The following INPP4B variants were observed in gnomAD, a reference collection of about 807,000 sequenced individuals.
INPP4B encodes inositol polyphosphate-4-phosphatase type II B, also known as inositol polyphosphate 4-phosphatase type II.
INPP4B carries 55 observed loss-of-function variants against 122.5 expected under a neutral mutation model. The ratio of observed to expected loss-of-function variants is 0.45; its 90% confidence interval spans 0.36 to 0.56. The LOEUF is 0.56. INPP4B is among the 20% of genes least tolerant of loss of function. The pLI, the probability that INPP4B is intolerant of heterozygous loss-of-function variation, is 0.00. For synonymous variants in INPP4B, 403 were observed against 388.7 expected (o/e 1.04, Z -0.43); for missense variants, 1,000 against 1,097.7 (o/e 0.91, Z 1.26).
Position 142,773,285 on chromosome 4 carries a change from T to C in INPP4B, c.-253-47384A>G, listed in dbSNP as rs376957642. On this transcript the variant is annotated intron_variant, in intron 1 of 25. Coordinates refer to ENST00000262992, the MANE Select transcript of INPP4B (RefSeq NM_001101669.3). ...CAAGAGCAGACATAAAATCCAAAGG[T>C]TGGTATCTTCTACTAAAAAATTACC... Among the ~76,000 whole-genome samples, 11 of 152,238 alleles carry C rather than the reference T, an allele frequency of 7.2e-5. No homozygotes were observed. In the East Asian group the frequency reaches 2.1e-3, roughly 29 times the overall value.
In INPP4B at chr4:142,449,599, G is replaced by A. The variant is rs183622703; in HGVS notation, c.-127+13064C>T. ...TGCCTGTAATCCCAGCTACTTGCGA[G>A]GCTGAGACAGGAGAATCGCTTGAAC... On this transcript the variant is annotated intron_variant, in intron 3 of 25. Transcript: ENST00000262992. Among the ~76,000 whole-genome samples the A allele has an allele frequency of 3.2e-3, 489 of 152,120 alleles. 2 individuals carry two copies. The highest frequency in any genetic ancestry group is 0.011 in the African/African-American group (475 of 41,474).
At chr4:142,068,250 G>T (rs1431002127) in intron 25 of INPP4B, among the ~76,000 whole-genome samples, 1 of 152,134 alleles carries the variant, frequency 6.6e-6, no homozygotes, top group Non-Finnish European at 1.5e-5. Flanking sequence ...AAGTGAAGGA[G>T]AAATAAAATA....
intron 1 of INPP4B, among the ~76,000 whole-genome samples, chr4:142,809,098 C>G (rs1779194755): frequency 6.6e-6 from 1 of 151,914 alleles, no homozygotes; most frequent in Admixed American, 6.6e-5. Flanking sequence ...GTTTTGGAAT[C>G]AAGCACATGG....
At chr4:142,242,854 C>A (rs1297294439) in intron 11 of INPP4B, among the ~76,000 whole-genome samples, 1 of 152,148 alleles carries the variant, frequency 6.6e-6, no homozygotes, top group African/African-American at 2.4e-5. Flanking sequence ...TGGTCCATGT[C>A]TCCCATGGGA....
intron 7 of INPP4B, chr4:142,347,593 T>C (rs754107802): frequency 2.7e-6 from 1 of 371,058 alleles, no homozygotes; most frequent in Non-Finnish European, 5.3e-6. Flanking sequence ...TCATTTAATT[T>C]CCAACTTGGA....
intron 2 of INPP4B, among the ~76,000 whole-genome samples, chr4:142,659,590 T>A (rs954513000): frequency 6.6e-6 from 1 of 152,112 alleles, no homozygotes; most frequent in African/African-American, 2.4e-5. Flanking sequence ...GAGGGATGGG[T>A]GATGTAGAAA....
intron 2 of INPP4B, among the ~76,000 whole-genome samples, chr4:142,547,130 C>CT (rs11442528): frequency 0.24 from 34,480 of 141,724 alleles, 4,989 homozygotes; most frequent in East Asian, 0.76. Context: ...GATCCCAGTG[C>CT]TTTTTTTTTT....
At chr4:142,323,657 G>A (rs183906340) in intron 7 of INPP4B, among the ~76,000 whole-genome samples, 53 of 152,044 alleles carry the variant, frequency 3.5e-4, no homozygotes, top group African/African-American at 1.2e-3. Flanking sequence ...ATGTTAGCCA[G>A]GATGGTCTCA....
chr4:142,280,521 T>C (rs1489221446), intron 9 of INPP4B, among the ~76,000 whole-genome samples: 1 of 151,906 alleles, frequency 6.6e-6, no homozygotes, highest in South Asian at 2.1e-4. Flanking sequence ...AGATCAGTGG[T>C]GGCCAGGGGT....
intron 21 of INPP4B, among the ~76,000 whole-genome samples, chr4:142,117,356 A>C (rs916771724): frequency 2.0e-5 from 3 of 151,588 alleles, no homozygotes; most frequent in African/African-American, 7.3e-5. Flanking sequence ...GAGACACAAC[A>C]AAAAAAAGAG....
In INPP4B at chr4:142,041,076, T is replaced by G. The variant is rs574299679; in HGVS notation, c.2643-12162A>C. 5.3e-5 allele frequency among the ~76,000 whole-genome samples: 8 copies of G among 152,248 alleles called. No homozygotes were observed. In the South Asian group the frequency reaches 1.5e-3, roughly 28 times the overall value. On this transcript the variant is annotated intron_variant, in intron 25 of 25. Transcript: ENST00000262992. ...TCCCAAATAAAAATAAAAGTCCACA[T>G]GTACCTTAGATTATAGCCTAAGTTC...
chr4:142,072,164 G>T (rs1454492804), intron 25 of INPP4B, among the ~76,000 whole-genome samples: 2 of 152,002 alleles, frequency 1.3e-5, no homozygotes, highest in South Asian at 2.1e-4. Context: ...GCCATAAAAA[G>T]GATGAGTTCA....
chr4:142,401,448 C>CT (rs1562018381), intron 7 of INPP4B, among the ~76,000 whole-genome samples: 1 of 152,096 alleles, frequency 6.6e-6, no homozygotes, highest in East Asian at 1.9e-4. Context: ...AAATTTTTAC[C>CT]TTTTTTGTTC....
chr4:142,048,820 C>A (rs540741447), intron 25 of INPP4B, among the ~76,000 whole-genome samples: 3 of 151,832 alleles, frequency 2.0e-5, no homozygotes, highest in Non-Finnish European at 4.4e-5. Flanking sequence ...TGAAGCAGAG[C>A]AGTTGGAAGC....
At chr4:142,699,822 C>T (rs1455104826) in intron 2 of INPP4B, among the ~76,000 whole-genome samples, 16 of 152,134 alleles carry the variant, frequency 1.1e-4, no homozygotes, top group Non-Finnish European at 2.1e-4. Context: ...CTTGCCTCTT[C>T]TCCATCATTG....
intron 7 of INPP4B, among the ~76,000 whole-genome samples, chr4:142,345,332 A>T (rs1298879073): frequency 2.0e-5 from 3 of 151,992 alleles, no homozygotes; most frequent in South Asian, 2.1e-4. Flanking sequence ...TATGAAAAGG[A>T]TCTATATTCA....
At chr4:142,559,907 A>AT (rs35134379) in intron 2 of INPP4B, among the ~76,000 whole-genome samples, 1 of 151,842 alleles carries the variant, frequency 6.6e-6, no homozygotes, top group South Asian at 2.1e-4. Context: ...TCACTCATGA[A>AT]ATAGTTTTTA....
intron 7 of INPP4B, among the ~76,000 whole-genome samples, chr4:142,361,051 T>G (rs2148538160): frequency 6.6e-6 from 1 of 152,024 alleles, no homozygotes; most frequent in East Asian, 1.9e-4. Flanking sequence ...CTAAGTCCAT[T>G]TGATTTTCCC....
intron 2 of INPP4B, among the ~76,000 whole-genome samples, chr4:142,722,442 C>A (rs758212707): frequency 5.9e-5 from 9 of 152,056 alleles, no homozygotes; most frequent in Non-Finnish European, 1.2e-4. Flanking sequence ...AGACCTTGAA[C>A]AGTAGCAGGA....
Sources: gnomAD v4.1 joint callset for allele counts (sites outside exome capture counted in the v4.1 genomes callset) on GRCh38, gnomAD v4.1.1 for gene constraint, MANE v1.5 for transcripts, NCBI Gene and HGNC (gene_info 2026-07-23, HGNC 2026-07-21) for gene names.